EIF3H: variants seen among roughly 807,000 people sequenced by gnomAD.
EIF3H encodes the protein eIF-3-gamma.
Under a neutral mutation model 44.2 loss-of-function variants are expected in EIF3H, and 26 were observed. The observed-to-expected ratio is 0.59, with a 90% CI of 0.43 to 0.82. The LOEUF is 0.82. EIF3H is among the 40% of genes least tolerant of loss of function. EIF3H has a pLI of 0.00. For missense variants in EIF3H, 359 were observed against 432.8 expected, an observed-to-expected ratio of 0.83 and a Z score of 1.51; for synonymous variants, 166 against 151.9, an observed-to-expected ratio of 1.09 and a Z score of -0.68.
intron 2 of EIF3H, among the ~76,000 whole-genome samples, chr8:116,713,155 C>A (rs1458016035): frequency 6.6e-6 from 1 of 152,034 alleles, no homozygotes; most frequent in African/African-American, 2.4e-5. Flanking sequence ...CCACTGGGAA[C>A]AGTAATTTAA....
At chr8:116,666,900 C>T (rs754532102) in intron 2 of EIF3H, among the ~76,000 whole-genome samples, 2 of 151,588 alleles carry the variant, frequency 1.3e-5, no homozygotes, top group African/African-American at 4.9e-5. Context: ...ATTTAAAAAA[C>T]GTGATTGTTG....
At chr8:116,717,352 C>A (rs1814674039) in intron 2 of EIF3H, among the ~76,000 whole-genome samples, 1 of 151,966 alleles carries the variant, frequency 6.6e-6, no homozygotes, top group Non-Finnish European at 1.5e-5. Context: ...TCAATGCAAT[C>A]CCCATCAAAA....
At chr8:116,739,152 A>G (rs958540351) in intron 1 of EIF3H, among the ~76,000 whole-genome samples, 4 of 152,214 alleles carry the variant, frequency 2.6e-5, no homozygotes, top group Admixed American at 1.3e-4. Context: ...GTGTTCTCAA[A>G]CCACAAACAA....
Position 116,743,799 on chromosome 8 carries a change from A to ATATATATATAT in EIF3H, c.132+11866_132+11867insATATATATATA, listed in dbSNP as rs1563659950. ...ATATATATATATATATATATATATA[A>ATATATATATAT]ACACACACACACACACACACACACA... On this transcript the variant is annotated intron_variant, in intron 1 of 7. Transcript: ENST00000521861. 1.5e-3 allele frequency among the ~76,000 whole-genome samples: 131 copies of ATATATATATAT among 86,968 alleles called. 1 individual carries two copies. The highest frequency in any genetic ancestry group is 2.0e-3 in the Non-Finnish European group (87 of 42,450). The allele number at this position is 86,968 out of a possible 152,430, so 57.1% of individuals were successfully genotyped here.
intron 3 of EIF3H, 39 bp from the exon 4 acceptor site, chr8:116,657,353 G>T: frequency 6.7e-7 from 1 of 1,497,992 alleles, no homozygotes. Flanking sequence ...TAAGAATTTT[G>T]TCACTGCCAG....
chr8:116,651,048 AG>A (rs2130779617), intron 5 of EIF3H, among the ~76,000 whole-genome samples: 1 of 152,360 alleles, frequency 6.6e-6, no homozygotes. Context: ...GTTCCCGTTC[AG>A]GGTGATGAGA....
At chr8:116,743,410 C>T (rs1815162479) in intron 1 of EIF3H, among the ~76,000 whole-genome samples, 1 of 152,016 alleles carries the variant, frequency 6.6e-6, no homozygotes, top group Non-Finnish European at 1.5e-5. Context: ...ATGACTGCAC[C>T]ACTACACTCC....
intron 1 of EIF3H, among the ~76,000 whole-genome samples, chr8:116,731,272 T>C (rs1005566092): frequency 6.6e-6 from 1 of 152,188 alleles, no homozygotes; most frequent in African/African-American, 2.4e-5. Context: ...ATTAGAGCCA[T>C]CTGGGGAGCT....
chr8:116,756,547 T>G (rs1815453136), upstream of EIF3H, among the ~76,000 whole-genome samples: 1 of 152,234 alleles, frequency 6.6e-6, no homozygotes, highest in African/African-American at 2.4e-5. Context: ...TTTGAAACAT[T>G]CTTTTCTACT....
At chr8:116,666,612 A>G (rs1252642502) in intron 2 of EIF3H, among the ~76,000 whole-genome samples, 1 of 152,056 alleles carries the variant, frequency 6.6e-6, no homozygotes, top group East Asian at 1.9e-4. Context: ...AGATGTGTTT[A>G]TACAAACAAA....
chr8:116,695,180 G>A (rs72681699), intron 2 of EIF3H, among the ~76,000 whole-genome samples: 18,643 of 150,682 alleles, frequency 0.12, 1,350 homozygotes, highest in African/African-American at 0.19. Context: ...CAATTCTCGT[G>A]CCTCAGCCAC....
At chr8:116,757,361 A>C (rs1258184661), upstream of EIF3H, among the ~76,000 whole-genome samples, 1 of 152,192 alleles carries the variant, frequency 6.6e-6, no homozygotes, top group Non-Finnish European at 1.5e-5. Flanking sequence ...AGGGCCCAGA[A>C]GCATTGACAT....
At chr8:116,693,592 G>A (rs1814216726) in intron 2 of EIF3H, among the ~76,000 whole-genome samples, 1 of 152,122 alleles carries the variant, frequency 6.6e-6, no homozygotes, top group South Asian at 2.1e-4. Flanking sequence ...GGAAACCTAT[G>A]TTTCAAAATT....
intron 2 of EIF3H, among the ~76,000 whole-genome samples, chr8:116,671,341 G>A (rs1383370568): frequency 6.6e-6 from 1 of 152,152 alleles, no homozygotes; most frequent in Non-Finnish European, 1.5e-5. Context: ...TATCTGCATA[G>A]GGAGCTAGGT....
chr8:116,730,350 C>T lies in EIF3H; in HGVS notation c.133-4178G>A, dbSNP rs28608078. 8.4e-3 allele frequency among the ~76,000 whole-genome samples: 1,285 copies of T among 152,280 alleles called. 22 individuals are homozygous for T. The highest frequency in any genetic ancestry group is 0.03 in the African/African-American group (1,233 of 41,552). ...GCACAAACCTTTACTGTGAACTGCA[C>T]ATACAAGGGAGCTAGGTTGCATGCT... On this transcript the variant is annotated intron_variant, in intron 1 of 7. Coordinates refer to ENST00000521861, the MANE Select transcript of EIF3H (RefSeq NM_003756.3).
At chr8:116,663,836 C>T (rs1240535657) in intron 2 of EIF3H, among the ~76,000 whole-genome samples, 3 of 150,138 alleles carry the variant, frequency 2.0e-5, no homozygotes, top group East Asian at 2.0e-4. Flanking sequence ...GAGGCTGAGG[C>T]GCAAGAATTG....
At chr8:116,697,556 T>A (rs1372987403) in intron 2 of EIF3H, among the ~76,000 whole-genome samples, 1 of 152,184 alleles carries the variant, frequency 6.6e-6, no homozygotes, top group Non-Finnish European at 1.5e-5. Context: ...CTATATTCCT[T>A]AAAGCCACTA....
chr8:116,753,958 A>C (rs1369358718), intron 1 of EIF3H, among the ~76,000 whole-genome samples: 1 of 152,226 alleles, frequency 6.6e-6, no homozygotes, highest in African/African-American at 2.4e-5. Context: ...TCCCAAGTGC[A>C]TAAGTGGTAC....
chr8:116,757,181 G>C (rs1029421644), upstream of EIF3H, among the ~76,000 whole-genome samples: 2 of 152,116 alleles, frequency 1.3e-5, no homozygotes, highest in Non-Finnish European at 2.9e-5. Context: ...GCAGCCACGT[G>C]TGCTAAACAT....
Sources: allele counts gnomAD v4.1 joint callset (sites outside exome capture counted in the v4.1 genomes callset), GRCh38; gene constraint gnomAD v4.1.1; transcripts MANE v1.5; gene names NCBI Gene and HGNC (gene_info 2026-07-23, HGNC 2026-07-21).